The following FMN2 variants were observed in gnomAD, a reference collection of about 807,000 sequenced individuals.
The protein encoded by FMN2 is formin 2.
A neutral mutation model predicts 142.3 loss-of-function variants in FMN2; 51 were observed. The ratio of observed to expected loss-of-function variants is 0.36; its 90% confidence interval spans 0.29 to 0.45. The LOEUF (loss-of-function observed/expected upper bound fraction) is 0.45. Ranked by LOEUF, FMN2 falls within the 20% of genes least tolerant of loss-of-function variation. The probability of loss-of-function intolerance (pLI) is 1.00; values close to 1 mark genes in which losing one functional copy is unlikely to be tolerated. For missense variants in FMN2, 1,936 were observed against 2,122.8 expected (o/e 0.91, Z 1.73); for synonymous variants, 882 against 869.8 (o/e 1.01, Z -0.25).
intron 2 of FMN2, among the ~76,000 whole-genome samples, chr1:240,135,362 A>C (rs1662894476): frequency 6.6e-6 from 1 of 152,192 alleles, no homozygotes; most frequent in African/African-American, 2.4e-5. Context: ...GTTTTCTGTA[A>C]GGGATATTTT....
At chr1:240,204,729 C>T (rs569486428) in intron 4 of FMN2, among the ~76,000 whole-genome samples, 10 of 151,906 alleles carry the variant, frequency 6.6e-5, no homozygotes, top group Admixed American at 3.9e-4. Context: ...CCAGCCTGGG[C>T]GACAAGAGCG....
chr1:240,315,533 C>G lies in FMN2; in HGVS notation c.4216-13543C>G, dbSNP rs187270523. On this transcript the variant is annotated intron_variant, in intron 8 of 17. Transcript: ENST00000319653. ...ACTTGAGTGATTCCAGATGGTATTA[C>G]ATGAGTATTTGGCTCTGAATTTCTT... Among the ~76,000 whole-genome samples the G allele has an allele frequency of 2.8e-3, 426 of 152,288 alleles. 2 individuals are homozygous for G. Among genetic ancestry groups the G allele is most frequent in the South Asian group, 0.017 (82 of 4,826 alleles).
chr1:240,302,862 A>C (rs1225987603), intron 8 of FMN2, among the ~76,000 whole-genome samples: 1 of 152,072 alleles, frequency 6.6e-6, no homozygotes, highest in Admixed American at 6.6e-5. Context: ...CAAGCTACTA[A>C]AGTTTAATTT....
chr1:240,227,863 T>C (rs1667370319), intron 6 of FMN2, among the ~76,000 whole-genome samples: 1 of 151,884 alleles, frequency 6.6e-6, no homozygotes, highest in South Asian at 2.1e-4. Flanking sequence ...CTACAAACAA[T>C]ACCATCAAAA....
intron 14 of FMN2, 55 bp downstream of exon 14, chr1:240,355,963 A>AAAAAAAAAAAAAAAAG: frequency 2.4e-6 from 1 of 409,892 alleles, no homozygotes. Flanking sequence ...AAAAAAAAAA[A>AAAAAAAAAAAAAAAAG]AAAAAAAAAA....
intron 14 of FMN2, among the ~76,000 whole-genome samples, chr1:240,372,363 C>T (rs1175543466): frequency 6.6e-6 from 1 of 152,068 alleles, no homozygotes; most frequent in Non-Finnish European, 1.5e-5. Context: ...TTAGGTCTTA[C>T]CTGAATTCTT....
chr1:240,282,095 C>G (rs1056229402), intron 7 of FMN2, among the ~76,000 whole-genome samples: 2 of 152,164 alleles, frequency 1.3e-5, no homozygotes, highest in Admixed American at 1.3e-4. Context: ...AGAGTGCCTG[C>G]TATAACAAGG....
chr1:240,451,288 G>C (rs978967156), intron 16 of FMN2, among the ~76,000 whole-genome samples: 2 of 151,142 alleles, frequency 1.3e-5, no homozygotes, highest in African/African-American at 4.9e-5. Context: ...GAACCTGGGA[G>C]GTGGAGGGTG....
chr1:240,381,248 T>G (rs1673217932), intron 14 of FMN2, among the ~76,000 whole-genome samples: 1 of 152,172 alleles, frequency 6.6e-6, no homozygotes, highest in South Asian at 2.1e-4. Flanking sequence ...ATATCTCTGA[T>G]GAGCATAGAT....
intron 3 of FMN2, among the ~76,000 whole-genome samples, chr1:240,183,364 C>T (rs1015511524): frequency 6.7e-6 from 1 of 149,978 alleles, no homozygotes; most frequent in Non-Finnish European, 1.5e-5. Context: ...AATAGACTGA[C>T]TGTGTCTCCC....
In FMN2 at chr1:240,121,885, T is replaced by C. The variant is rs1358726201; in HGVS notation, c.1616-1294T>C. Among the ~76,000 whole-genome samples, 3 of 151,434 alleles carry C rather than the reference T, an allele frequency of 2.0e-5. No individual in the cohort carries two copies. The East Asian group carries it at 5.9e-4, about 30-fold the overall frequency. On this transcript the variant is annotated intron_variant, in intron 1 of 17. Coordinates refer to ENST00000319653, the MANE Select transcript of FMN2 (RefSeq NM_020066.5). ...ATTTTGCTGGCCAGCTCTCTTCTTG[T>C]GGGTTGGTGCCTTTGCCTGCCTCTT...
intron 4 of FMN2, 144 bp downstream of exon 4, chr1:240,188,406 G>T: frequency 1.4e-6 from 1 of 703,826 alleles, no homozygotes; most frequent in South Asian, 2.0e-5. Flanking sequence ...ATCCAGTCAG[G>T]CAGAAGGGGA....
At chr1:240,181,204 A>G (rs1665136273) in intron 3 of FMN2, among the ~76,000 whole-genome samples, 1 of 151,752 alleles carries the variant, frequency 6.6e-6, no homozygotes, top group Non-Finnish European at 1.5e-5. Flanking sequence ...GGGTTTCACC[A>G]TGTTGGCCCA....
chr1:240,290,352 C>T (rs564900619), intron 7 of FMN2, among the ~76,000 whole-genome samples: 2 of 152,214 alleles, frequency 1.3e-5, no homozygotes, highest in East Asian at 1.9e-4. Flanking sequence ...GGAGCAAGTT[C>T]GTACCGGAGG....
chr1:240,380,193 T>G (rs1015739367), intron 14 of FMN2, among the ~76,000 whole-genome samples: 7 of 152,222 alleles, frequency 4.6e-5, no homozygotes, highest in Non-Finnish European at 8.8e-5. Flanking sequence ...TTTTCTCATC[T>G]GTCCATGAAA....
At chr1:240,151,090 G>T (rs565121646) in intron 2 of FMN2, among the ~76,000 whole-genome samples, 2 of 152,252 alleles carry the variant, frequency 1.3e-5, no homozygotes, top group South Asian at 4.1e-4. Flanking sequence ...TTGTTATGTT[G>T]ATTTAAGGGC....
chr1:240,110,626 C>T (rs939841847), intron 1 of FMN2, among the ~76,000 whole-genome samples: 3 of 152,078 alleles, frequency 2.0e-5, no homozygotes, highest in Non-Finnish European at 2.9e-5. Flanking sequence ...TGTATGACTG[C>T]AAAGCTGATT....
intron 1 of FMN2, among the ~76,000 whole-genome samples, chr1:240,103,736 G>C: frequency 6.6e-6 from 1 of 151,998 alleles, no homozygotes; most frequent in East Asian, 1.9e-4. Flanking sequence ...ACTCCATTCT[G>C]CATGAAGCAA....
rs1257438390 is a variant in FMN2 at position 240,473,512 on chromosome 1, GA to G, written c.5143-612del. 1.3e-5 allele frequency among the ~76,000 whole-genome samples: 2 copies of G among 152,124 alleles called. No homozygotes were observed. Among genetic ancestry groups the G allele is most frequent in the Non-Finnish European group, 2.9e-5 (2 of 68,006 alleles). On this transcript the variant is annotated intron_variant, in intron 17 of 17. Coordinates refer to ENST00000319653, the MANE Select transcript of FMN2 (RefSeq NM_020066.5). The surrounding 1 kb of genome is among the most constrained non-coding windows in gnomAD (Gnocchi z 4.3). ...GAATTAGTCTAATGTAGTCTAAAGG[GA>G]AAAGACATTAAAATAACCCAAATTG...
Sources: gnomAD v4.1 joint callset for allele counts (sites outside exome capture counted in the v4.1 genomes callset) on GRCh38, gnomAD v4.1.1 for gene constraint, Gnocchi (gnomAD v3.1) non-coding constraint, MANE v1.5 for transcripts, NCBI Gene and HGNC (gene_info 2026-07-23, HGNC 2026-07-21) for gene names.